ATG13: variants seen among roughly 807,000 people sequenced by gnomAD.
ATG13 encodes the protein autophagy-related protein 13.
ATG13 carries 23 observed loss-of-function variants against 65.5 expected under a neutral mutation model. The ratio of observed to expected loss-of-function variants is 0.35; its 90% CI spans 0.25 to 0.50. ATG13 has a LOEUF of 0.50. Among genes scored for constraint, ATG13 ranks in the 20% least tolerant of loss-of-function variants. ATG13 has a pLI of 0.98. For missense variants in ATG13, 566 were observed against 677.0 expected (o/e 0.84, Z 1.82); for synonymous variants, 252 against 245.2 (o/e 1.03, Z -0.26).
intron 1 of ATG13, among the ~76,000 whole-genome samples, chr11:46,626,171 G>A (rs1440727220): frequency 1.3e-5 from 2 of 152,038 alleles, no homozygotes; most frequent in African/African-American, 4.8e-5. Context: ...TAGCCAGGAT[G>A]GTCTTGATCT....
intron 5 of ATG13, among the ~76,000 whole-genome samples, chr11:46,647,274 T>G (rs913754248): frequency 7.4e-5 from 2 of 27,020 alleles, no homozygotes; most frequent in African/African-American, 9.8e-5. Flanking sequence ...GGTTTTTGTT[T>G]TTTTTGTTTT....
At position 46,620,694 on chromosome 11, in the gene ATG13, G is replaced by C. The variant is rs574087605; in HGVS notation, c.-70+2804G>C. On this transcript the variant is annotated intron_variant, in intron 1 of 18. Transcript: ENST00000683050. ...GGAGGCTGAGACAAGAGAATCGCTT[G>C]AACTGGGGAGGCAGAGGTTGCTGTG... Among the ~76,000 whole-genome samples, 12 of 152,020 alleles carry C rather than the reference G, an allele frequency of 7.9e-5. No individual in the cohort carries two copies. In the South Asian group the frequency reaches 2.5e-3, roughly 32 times the overall value.
Position 46,674,259 on chromosome 11 carries a change from A to G in ATG13, c.*1927A>G, listed in dbSNP as rs745697713. The G allele has an allele frequency of 6.6e-6, 1 of 152,432 alleles. No homozygotes were observed. Among genetic ancestry groups the G allele is most frequent in the Non-Finnish European group, 1.5e-5 (1 of 68,148 alleles). The allele number at this position is 152,432 out of a possible 1,614,324, so 9.4% of individuals were successfully genotyped here. A position where few individuals can be genotyped will look rare whatever the true frequency, so the allele number is the denominator to read the frequency against. ...CAGGGCTCCATCTGTGAAGAGTCTCAGCCATGACTTTGAGCTGAGCTTGGG... is the reference window on the plus strand; with the variant it reads ...CAGGGCTCCATCTGTGAAGAGTCTCGGCCATGACTTTGAGCTGAGCTTGGG... On this transcript the variant is annotated 3_prime_UTR_variant, in exon 19 of 19. Transcript: ENST00000683050.
chr11:46,653,759 C>T (rs990543956), intron 7 of ATG13, among the ~76,000 whole-genome samples: 7 of 151,162 alleles, frequency 4.6e-5, no homozygotes, highest in African/African-American at 1.5e-4. Context: ...TTAGTAGAGA[C>T]GGGGTTTCAC....
chr11:46,657,404 G>A, intron 9 of ATG13, 120 bp from the exon 10 acceptor site: 1 of 1,060,956 alleles, frequency 9.4e-7, no homozygotes, highest in Non-Finnish European at 1.4e-6. Flanking sequence ...TTTAGGGATT[G>A]TGATAGTTAA....
intron 14 of ATG13, 43 bp downstream of exon 14, chr11:46,665,562 G>A (rs1027882855): frequency 5.0e-6 from 8 of 1,604,470 alleles, no homozygotes; most frequent in South Asian, 1.1e-5. Context: ...GGCTGGCCAG[G>A]GGCCTGGGCT....
At chr11:46,662,258 T>C (rs1439573464) in intron 11 of ATG13, among the ~76,000 whole-genome samples, 2 of 152,244 alleles carry the variant, frequency 1.3e-5, no homozygotes, top group African/African-American at 4.8e-5. Context: ...CCAGCTGTTC[T>C]AAAAGATATG....
At chr11:46,649,283 AT>A in intron 6 of ATG13, 100 bp downstream of exon 6, 1 of 1,352,170 alleles carries the variant, frequency 7.4e-7, no homozygotes, top group East Asian at 2.4e-5. Flanking sequence ...CAGGGAGGGC[AT>A]TCTGACCACT....
chr11:46,619,407 G>A lies in ATG13; in HGVS notation c.-70+1517G>A, dbSNP rs757176443. Among the ~76,000 whole-genome samples the A allele has an allele frequency of 2.8e-4, 24 of 85,516 alleles. 1 individual carries two copies. The highest frequency in any genetic ancestry group is 3.6e-4 in the Non-Finnish European group (17 of 46,696). The allele number at this position is 85,516 out of a possible 152,430, so 56.1% of individuals were successfully genotyped here. On this transcript the variant is annotated intron_variant, in intron 1 of 18. Transcript: ENST00000683050. Reference sequence around the variant, plus strand: ...TTTTTTTTTTTTTTTTTTTTGAGACGGAGTTTCACTCTGGTTGCCCAGGCT... The same window carrying A: ...TTTTTTTTTTTTTTTTTTTTGAGACAGAGTTTCACTCTGGTTGCCCAGGCT...
intron 1 of ATG13, among the ~76,000 whole-genome samples, chr11:46,629,006 G>A (rs561554653): frequency 6.7e-6 from 1 of 150,362 alleles, no homozygotes; most frequent in Non-Finnish European, 1.5e-5. Context: ...GCAGTGGCGC[G>A]ATCTTGGCTC....
intron 11 of ATG13, 75 bp from the exon 12 acceptor site, chr11:46,663,922 C>T: frequency 4.4e-6 from 5 of 1,137,294 alleles, no homozygotes; most frequent in Non-Finnish European, 6.2e-6. Context: ...AGAGTTTCTT[C>T]ACTTCTTTCT....
rs2064158436 is a variant in ATG13 at position 46,673,369 on chromosome 11, T to C, written c.*1037T>C. 1 of 152,444 alleles carries C rather than the reference T, an allele frequency of 6.6e-6. No homozygotes were observed. Among genetic ancestry groups the C allele is most frequent in the Admixed American group, 6.5e-5 (1 of 15,318 alleles). 9.4% of individuals were successfully genotyped at this position (152,444 alleles called of 1,614,324 possible). On this transcript the variant is annotated 3_prime_UTR_variant, in exon 19 of 19. Coordinates refer to ENST00000683050, the MANE Select transcript of ATG13 (RefSeq NM_001346311.2). ...GCTGCACTGGAACTGACTAAAGGCT[T>C]TACCTTGGATAGTTGCGTATTCCTG...
rs1565397986 is a variant in ATG13 at position 46,622,102 on chromosome 11, TA to T, written c.-70+4213del. 1.3e-3 allele frequency among the ~76,000 whole-genome samples: 107 copies of T among 82,838 alleles called. 6 individuals are homozygous for T. Among genetic ancestry groups the T allele is most frequent in the African/African-American group, 4.3e-3 (96 of 22,152 alleles). The allele number at this position is 82,838 out of a possible 152,430, so 54.3% of individuals were successfully genotyped here. ...ATATATATATATATATATATATATA[TA>T]TATATATATATATATATATATATAT... On this transcript the variant is annotated intron_variant, in intron 1 of 18. Coordinates refer to ENST00000683050, the MANE Select transcript of ATG13 (RefSeq NM_001346311.2).
intron 8 of ATG13, 117 bp from the exon 9 acceptor site, chr11:46,656,978 T>G (rs1489665034): frequency 1.1e-5 from 9 of 829,644 alleles, no homozygotes; most frequent in Middle Eastern, 2.2e-4. Flanking sequence ...GCACTTAACA[T>G]GCTAAGTGGA....
At chr11:46,623,337 A>T (rs1311461562) in intron 1 of ATG13, among the ~76,000 whole-genome samples, 2 of 152,192 alleles carry the variant, frequency 1.3e-5, no homozygotes, top group Non-Finnish European at 2.9e-5. Context: ...ATAAAGAAAG[A>T]GACCTAATTT....
intron 2 of ATG13, among the ~76,000 whole-genome samples, chr11:46,632,926 A>T (rs1395779628): frequency 6.7e-6 from 1 of 149,134 alleles, no homozygotes; most frequent in Non-Finnish European, 1.5e-5. Context: ...GCTTTGGGAG[A>T]TGGAGGTGGG....
intron 7 of ATG13, among the ~76,000 whole-genome samples, chr11:46,654,688 C>T (rs774907500): frequency 2.6e-5 from 4 of 151,902 alleles, no homozygotes; most frequent in African/African-American, 4.8e-5. Flanking sequence ...TACCACTGCA[C>T]TCCAGCATGG....
At position 46,667,815 on chromosome 11, in the gene ATG13, C is replaced by T; in HGVS notation, c.1179C>T (p.Ala393=). Residue 393 remains alanine (A), a synonymous_variant, in exon 15 of 19, where the codon GCC becomes GCT. Transcript: ENST00000683050. ...TATCAAACAGCAGTGAGGGACGGGC[C>T]TCCCCTCACGATGTCTTGGAGACCA... The part of the protein sequence containing the change: ...ETVSNSSEGR[A]SPHDVLETIF... The T allele has an allele frequency of 7.4e-6, 12 of 1,611,998 alleles. No individual in the cohort carries two copies. The highest frequency in any genetic ancestry group is 1.0e-5 in the Non-Finnish European group (12 of 1,178,208).
intron 11 of ATG13, chr11:46,659,715 C>G: frequency 2.5e-6 from 1 of 392,832 alleles, no homozygotes; most frequent in Non-Finnish European, 4.6e-6. Context: ...CTGGTGACAT[C>G]TTAAAATTCC....
Sources: gnomAD v4.1 joint callset for allele counts (sites outside exome capture counted in the v4.1 genomes callset) on GRCh38, gnomAD v4.1.1 for gene constraint, MANE v1.5 for transcripts, NCBI Gene and HGNC (gene_info 2026-07-23, HGNC 2026-07-21) for gene names.